The following PCDHA8 variants were observed in gnomAD, a reference collection of about 807,000 sequenced individuals.
PCDHA8 encodes protocadherin alpha 8.
A neutral mutation model predicts 61.8 loss-of-function variants in PCDHA8; 53 were observed. The ratio of observed to expected loss-of-function variants is 0.86; its 90% CI spans 0.69 to 1.08. The LOEUF is 1.08. Among genes scored for constraint, PCDHA8 ranks in the 50% least tolerant of loss-of-function variants. The probability of loss-of-function intolerance (pLI) is 0.00; values close to 1 mark genes in which losing one functional copy is unlikely to be tolerated. For missense variants in PCDHA8, 1,293 were observed against 1,245.0 expected (o/e 1.04, Z -0.58); for synonymous variants, 618 against 556.6 (o/e 1.11, Z -1.55).
Position 140,851,554 on chromosome 5 carries a change from A to G in PCDHA8, c.2394+7839A>G. On this transcript the variant is annotated intron_variant, in intron 1 of 3. Transcript: ENST00000531613. Reference sequence around the variant, plus strand: ...AATGTAGATAATTCAAGAAATGTTGACTGAAATTTTGTCTACACTTAGAAC... The same window carrying G: ...AATGTAGATAATTCAAGAAATGTTGGCTGAAATTTTGTCTACACTTAGAAC... 9.9e-6 allele frequency: 9 copies of G among 909,036 alleles called. 1 individual carries two copies. The highest frequency in any genetic ancestry group is 1.1e-5 in the Non-Finnish European group (8 of 746,402). The allele number at this position is 909,036 out of a possible 1,614,324, so 56.3% of individuals were successfully genotyped here.
At chr5:140,877,274 C>G (rs781933102) in intron 1 of PCDHA8, 1 of 1,613,856 alleles carries the variant, frequency 6.2e-7, no homozygotes, top group South Asian at 1.1e-5. Context: ...GACGCTGACT[C>G]CGGCTATAAC....
At chr5:140,941,202 CCTTTCTTTCTTCCTTT>C (rs1307053809) in intron 1 of PCDHA8, among the ~76,000 whole-genome samples, 1 of 122,742 alleles carries the variant, frequency 8.1e-6, no homozygotes, top group Non-Finnish European at 1.8e-5. Context: ...TTTCTTTCTT[CCTTTCTTTCTTCCTTT>C]CTTTCTTTCT....
intron 1 of PCDHA8, among the ~76,000 whole-genome samples, chr5:140,964,284 A>C (rs190870993): frequency 6.6e-6 from 1 of 152,362 alleles, no homozygotes; most frequent in East Asian, 1.9e-4. Context: ...AGTAAATTCT[A>C]GCTGGAGCTA....
rs2150432848 is a variant in PCDHA8, at chr5:140,849,209, T to C, written c.2394+5494T>C. On this transcript the variant is annotated intron_variant, in intron 1 of 3. Coordinates refer to ENST00000531613, the MANE Select transcript of PCDHA8 (RefSeq NM_018911.3). ...TCACGGTACTGGACAACAATGACAA[T>C]GCCCCAGTGTTCGACAGAACCCTGT... 32 of 1,032,540 alleles carry C rather than the reference T, an allele frequency of 3.1e-5. 2 individuals carry two copies. In the African/African-American group the frequency reaches 5.7e-4, roughly 18 times the overall value. The allele number at this position is 1,032,540 out of a possible 1,614,324, so 64.0% of individuals were successfully genotyped here. A position where few individuals can be genotyped will look rare whatever the true frequency, so the allele number is the denominator to read the frequency against.
chr5:140,871,444 A>C (rs782085925), intron 1 of PCDHA8: 1 of 1,610,088 alleles, frequency 6.2e-7, no homozygotes, highest in Non-Finnish European at 8.5e-7. Context: ...AGGTCTGAAT[A>C]AAGAGGAGGA....
In PCDHA8 at chr5:140,842,799, C is replaced by G. The variant is rs2150344737; in HGVS notation, c.1478C>G (p.Ser493Trp). 2 of 1,594,426 alleles carry G rather than the reference C, an allele frequency of 1.3e-6. No homozygotes were observed. Among genetic ancestry groups the G allele is most frequent in the Non-Finnish European group, 1.7e-6 (2 of 1,165,448 alleles). ...CAGGAGAACGCGCTGGTGTCCTACT[C>G]GCTTGTGGAGCGGCGGGTGGGCGAG... ...DAQENALVSYSLVERRVGERS... is the reference protein window; with the variant it reads ...DAQENALVSYWLVERRVGERS... Residue 493 changes from serine (S) to tryptophan (W), a missense_variant, in exon 1 of 4, where the codon TCG (serine) becomes TGG (tryptophan). Ser to Trp is a radical substitution (Grantham distance 177, BLOSUM62 -3). Coordinates refer to ENST00000531613, the MANE Select transcript of PCDHA8 (RefSeq NM_018911.3).
intron 1 of PCDHA8, among the ~76,000 whole-genome samples, chr5:140,965,292 C>T (rs1305794672): frequency 6.6e-6 from 1 of 152,152 alleles, no homozygotes; most frequent in Non-Finnish European, 1.5e-5. Flanking sequence ...GAAAGATTTC[C>T]TCTGATCCTT....
chr5:140,883,098 T>C lies in PCDHA8; in HGVS notation c.2394+39383T>C, dbSNP rs369154076. 21 of 1,614,014 alleles carry C rather than the reference T, an allele frequency of 1.3e-5. No homozygotes were observed. In the East Asian group the frequency reaches 4.0e-4, roughly 31 times the overall value. On this transcript the variant is annotated intron_variant, in intron 1 of 3. Coordinates refer to ENST00000531613, the MANE Select transcript of PCDHA8 (RefSeq NM_018911.3). ...CCTGATGATGGTACAAATGGAGATA[T>C]AGTTTACTCATTTAGAAGGCCTGTA... is the stretch of plus-strand genomic sequence containing the variant.
At chr5:140,968,612 C>A (rs782101758) in intron 1 of PCDHA8, 2 of 1,614,204 alleles carry the variant, frequency 1.2e-6, no homozygotes, top group East Asian at 2.2e-5. Flanking sequence ...AGACTCTGGG[C>A]AAAATGCTTG....
intron 1 of PCDHA8, chr5:140,865,597 G>A (rs1391602074): frequency 6.6e-6 from 1 of 152,154 alleles, no homozygotes; most frequent in Non-Finnish European, 1.5e-5. Context: ...CATTGTTTGA[G>A]CAGTTTATTA....
At chr5:140,939,051 T>G (rs1359303875) in intron 1 of PCDHA8, among the ~76,000 whole-genome samples, 1 of 152,236 alleles carries the variant, frequency 6.6e-6, no homozygotes, top group East Asian at 1.9e-4. Flanking sequence ...TTAGTCCATT[T>G]GGGCTGCTAT....
At chr5:140,963,397 G>A (rs1190925238) in intron 1 of PCDHA8, among the ~76,000 whole-genome samples, 1 of 152,160 alleles carries the variant, frequency 6.6e-6, no homozygotes, top group Admixed American at 6.5e-5. Context: ...GCTCCCTACT[G>A]GATGCTGTAG....
At chr5:140,855,901 A>G (rs1280645152) in intron 1 of PCDHA8, 6 of 1,088,536 alleles carry the variant, frequency 5.5e-6, no homozygotes, top group African/African-American at 4.7e-5. Flanking sequence ...GGCATCAGCC[A>G]GTTTCTCAAG....
At chr5:140,880,415 G>T (rs1481227492) in intron 1 of PCDHA8, among the ~76,000 whole-genome samples, 1 of 152,202 alleles carries the variant, frequency 6.6e-6, no homozygotes, top group Non-Finnish European at 1.5e-5. Context: ...GACCTTAAAA[G>T]CGGGAACAGT....
Position 140,843,432 on chromosome 5 carries a change from T to C in PCDHA8, c.2111T>C (p.Ile704Thr). The C allele has an allele frequency of 3.1e-6, 5 of 1,596,056 alleles. 1 individual carries two copies. The highest frequency in any genetic ancestry group is 4.3e-6 in the Non-Finnish European group (5 of 1,165,572). ...GTCAACGTGTACCTGATCATCGCCA[T>C]CTGCGCGGTATCCAGCCTGCTGGTG... The part of the protein sequence containing the change: ...VDVNVYLIIA[I>T]CAVSSLLVLT... The change falls in exon 1 of 4, where the codon ATC (isoleucine) becomes ACC (threonine). Residue 704 changes from isoleucine to threonine, a missense_variant. Coordinates refer to ENST00000531613, the MANE Select transcript of PCDHA8 (RefSeq NM_018911.3).
intron 1 of PCDHA8, among the ~76,000 whole-genome samples, chr5:140,891,677 TTCTC>T (rs1335607297): frequency 2.6e-5 from 4 of 152,240 alleles, no homozygotes; most frequent in African/African-American, 9.6e-5. Context: ...AGTTTAATAA[TTCTC>T]TCTTCTTGCT....
intron 1 of PCDHA8, among the ~76,000 whole-genome samples, chr5:140,952,160 G>C (rs952147312): frequency 6.6e-6 from 1 of 152,044 alleles, no homozygotes; most frequent in Non-Finnish European, 1.5e-5. Flanking sequence ...GGCTTTGTGG[G>C]GTTCAGTTCC....
intron 1 of PCDHA8, chr5:140,883,493 C>G: frequency 6.2e-7 from 1 of 1,614,174 alleles, no homozygotes; most frequent in Non-Finnish European, 8.5e-7. Flanking sequence ...CTCATTAGTG[C>G]TGGACAGCGC....
At chr5:140,894,740 AT>A (rs1157881854) in intron 1 of PCDHA8, among the ~76,000 whole-genome samples, 3 of 150,972 alleles carry the variant, frequency 2.0e-5, no homozygotes, top group Non-Finnish European at 3.0e-5. Flanking sequence ...AATTTGTGGA[AT>A]TTTTTTTCTT....
Sources: allele counts gnomAD v4.1 joint callset (sites outside exome capture counted in the v4.1 genomes callset), GRCh38; gene constraint gnomAD v4.1.1; transcripts MANE v1.5; gene names NCBI Gene and HGNC (gene_info 2026-07-23, HGNC 2026-07-21).